Variants in SEMA4F observed in about 807,000 individuals in gnomAD.
SEMA4F encodes semaphorin-4F.
Under a neutral mutation model 78.4 loss-of-function variants are expected in SEMA4F, and 51 were observed. The ratio of observed to expected loss-of-function variants is 0.65; its 90% CI spans 0.52 to 0.82. The LOEUF is 0.82. Ranked by LOEUF, SEMA4F falls within the 40% of genes least tolerant of loss-of-function variation. SEMA4F has a pLI of 0.00. For synonymous variants in SEMA4F, 418 were observed against 408.7 expected (o/e 1.02, Z -0.27); for missense variants, 938 against 1,014.4 (o/e 0.92, Z 1.02).
chr2:74,709,376 G>A, the SEMA4F span, among the ~76,000 whole-genome samples: 2 of 152,182 alleles, frequency 1.3e-5, no homozygotes, highest in African/African-American at 4.8e-5. Context: ...CAGTGAAAAT[G>A]TCATTCAGGA....
At chr2:74,661,786 A>G (rs1397084503) in intron 4 of SEMA4F, among the ~76,000 whole-genome samples, 2 of 152,154 alleles carry the variant, frequency 1.3e-5, no homozygotes, top group African/African-American at 4.8e-5. Context: ...TTCAGGGGAT[A>G]TATATCGATA....
At chr2:74,654,645 C>A in intron 1 of SEMA4F, 124 bp downstream of exon 1, 1 of 795,636 alleles carries the variant, frequency 1.3e-6, no homozygotes, top group Non-Finnish European at 1.8e-6. Context: ...TTCACGCCGC[C>A]CACGCCCCGC....
intron 5 of SEMA4F, among the ~76,000 whole-genome samples, chr2:74,672,987 G>A (rs1016504242): frequency 1.3e-5 from 2 of 152,156 alleles, no homozygotes; most frequent in East Asian, 1.9e-4. Flanking sequence ...CTCTAAAATC[G>A]TGACTTGTTC....
In SEMA4F at chr2:74,674,515, G is replaced by A; in HGVS notation, c.840G>A (p.Arg280=). The A allele has an allele frequency of 1.2e-6, 2 of 1,613,288 alleles. No homozygotes were observed. The highest frequency in any genetic ancestry group is 2.2e-5 in the South Asian group (2 of 90,968). ...CACCCCAGGGGGACCTCGGGGGCCG[G>A]AAGACCCTCCAGCAGAGATGGACGA... ...ARVCAGDLGG[R]KTLQQRWTTF... The change falls in exon 8 of 14, where the codon CGG becomes CGA. Residue 280 remains arginine, a synonymous_variant. Transcript: ENST00000357877.
At chr2:74,673,852 G>A (rs1336474416) in intron 7 of SEMA4F, 24 bp downstream of exon 7, 2 of 1,605,756 alleles carry the variant, frequency 1.2e-6, no homozygotes, top group South Asian at 1.1e-5. Context: ...CCAGCTGTCT[G>A]TCTGTCATCT....
intron 12 of SEMA4F, among the ~76,000 whole-genome samples, chr2:74,677,444 A>C (rs10178278): frequency 0.035 from 5,303 of 152,258 alleles, 166 homozygotes; most frequent in African/African-American, 0.083. Context: ...TTAAAAAAAA[A>C]CCATATTACC....
downstream of SEMA4F, among the ~76,000 whole-genome samples, chr2:74,687,334 G>C (rs905125304): frequency 6.6e-6 from 1 of 152,208 alleles, no homozygotes; most frequent in African/African-American, 2.4e-5. Flanking sequence ...TCTGTATAAA[G>C]TAGCTCCCAG....
rs767010121 is a variant in SEMA4F, at chr2:74,662,724, G to T, written c.457-8G>T. The T allele has an allele frequency of 6.2e-7, 1 of 1,613,368 alleles. No individual in the cohort carries two copies. The highest frequency in any genetic ancestry group is 1.1e-5 in the South Asian group (1 of 91,050). On this transcript the variant is annotated splice_region_variant and splice_polypyrimidine_tract_variant and intron_variant, in intron 4 of 13. Transcript: ENST00000357877. ...CCCCTAAACCAATTGCCCCCTTCTG[G>T]TCTATAGGATGTGTCCAGGTTCCAG...
Position 74,680,329 on chromosome 2 carries a change from G to A in SEMA4F, c.*120G>A. 1 of 1,166,316 alleles carries A rather than the reference G, an allele frequency of 8.6e-7. No homozygotes were observed. Among genetic ancestry groups the A allele is most frequent in the East Asian group, 2.4e-5 (1 of 41,390 alleles). The allele number at this position is 1,166,316 out of a possible 1,614,324, so 72.2% of individuals were successfully genotyped here. A position where few individuals can be genotyped will look rare whatever the true frequency, so the allele number is the denominator to read the frequency against. On this transcript the variant is annotated 3_prime_UTR_variant, in exon 14 of 14. Coordinates refer to ENST00000357877, the MANE Select transcript of SEMA4F (RefSeq NM_004263.5). ...CTCTGAGTTCTCTTTGAGTATGAGT[G>A]ATTACTTGGATTTTAGTATCTGTTC...
At chr2:74,691,070 C>A in the SEMA4F span, among the ~76,000 whole-genome samples, 1 of 152,118 alleles carries the variant, frequency 6.6e-6, no homozygotes, top group African/African-American at 2.4e-5. Context: ...ATGAGGAAGG[C>A]GAAGTTCATT....
chr2:74,693,754 C>G, the SEMA4F span, among the ~76,000 whole-genome samples: 56 of 152,254 alleles, frequency 3.7e-4, no homozygotes, highest in African/African-American at 1.3e-3. Flanking sequence ...AACTGTAAAT[C>G]AAGGAAATTG....
chr2:74,669,612 C>A lies in SEMA4F; in HGVS notation c.551-3845C>A, dbSNP rs769695707. Among the ~76,000 whole-genome samples, 13 of 150,334 alleles carry A rather than the reference C, an allele frequency of 8.6e-5. No individual in the cohort carries two copies. In the East Asian group the frequency reaches 2.3e-3, roughly 27 times the overall value. ...ACAACAACAACAACAACAACAACAACAACAAAAACAAAAGGTAACAAACAA... is the reference window on the plus strand; with the variant it reads ...ACAACAACAACAACAACAACAACAAAAACAAAAACAAAAGGTAACAAACAA... On this transcript the variant is annotated intron_variant, in intron 5 of 13. Transcript: ENST00000357877.
At chr2:74,693,342 C>T in the SEMA4F span, among the ~76,000 whole-genome samples, 3 of 152,164 alleles carry the variant, frequency 2.0e-5, no homozygotes, top group Admixed American at 2.0e-4. Flanking sequence ...CTGGAACTTC[C>T]AGAACTGGCC....
the SEMA4F span, among the ~76,000 whole-genome samples, chr2:74,705,738 T>A: frequency 6.6e-6 from 1 of 151,960 alleles, no homozygotes; most frequent in African/African-American, 2.4e-5. Context: ...TAATTTTTAA[T>A]TTTTTTTGTA....
the SEMA4F span, among the ~76,000 whole-genome samples, chr2:74,703,085 C>A: frequency 6.6e-6 from 1 of 152,094 alleles, no homozygotes; most frequent in African/African-American, 2.4e-5. Flanking sequence ...AGGTGAAAAT[C>A]CCTACATTTC....
In SEMA4F at chr2:74,675,602, CCA is replaced by C; in HGVS notation, c.1453_1454del (p.Gln485AlafsTer3). The part of the protein sequence containing the change: ...VLEDLALFPE[P>X]QPVENMKLYH... ...TGAAGATCTGGCCTTATTCCCAGAG[CCA>C]CAGCCAGTTGAGAACATGAAATTGT... On this transcript the variant is annotated frameshift_variant, in exon 11 of 14. Transcript: ENST00000357877. LOFTEE classifies it high-confidence loss of function. 1 of 1,614,148 alleles carries C rather than the reference CCA, an allele frequency of 6.2e-7. No homozygotes were observed.
Position 74,683,463 on chromosome 2 carries a change from T to A in SEMA4F, c.*3254T>A, listed in dbSNP as rs1685728387. 6.6e-6 allele frequency: 1 copy of A among 150,786 alleles called. No homozygotes were observed. The allele number at this position is 150,786 out of a possible 1,614,324, so 9.3% of individuals were successfully genotyped here. ...CCCGAGGTGAGGACGGGGATGGGAGTTTTTTCTTTTGAGTGATGTAGACCT... is the reference window on the plus strand; with the variant it reads ...CCCGAGGTGAGGACGGGGATGGGAGATTTTTCTTTTGAGTGATGTAGACCT... On this transcript the variant is annotated 3_prime_UTR_variant, in exon 14 of 14. Transcript: ENST00000357877.
At chr2:74,694,146 G>A in the SEMA4F span, among the ~76,000 whole-genome samples, 3 of 152,264 alleles carry the variant, frequency 2.0e-5, no homozygotes, top group South Asian at 2.1e-4. Context: ...ATTGCTGCAC[G>A]TGTGTGTGCA....
chr2:74,706,128 C>A, the SEMA4F span, among the ~76,000 whole-genome samples: 1 of 151,992 alleles, frequency 6.6e-6, no homozygotes, highest in Non-Finnish European at 1.5e-5. Flanking sequence ...TTTTTTTTAA[C>A]ATTTTAGGCA....
Sources: gnomAD v4.1 joint callset for allele counts (sites outside exome capture counted in the v4.1 genomes callset) on GRCh38, gnomAD v4.1.1 for gene constraint, MANE v1.5 for transcripts, NCBI Gene and HGNC (gene_info 2026-07-23, HGNC 2026-07-21) for gene names.